ATG10: variants seen among roughly 807,000 people sequenced by gnomAD.
The protein encoded by ATG10 is ubiquitin-like-conjugating enzyme ATG10.
Under a neutral mutation model 32.1 loss-of-function variants are expected in ATG10, and 30 were observed. The observed-to-expected ratio is 0.94, with a 90% CI of 0.70 to 1.27. The LOEUF (loss-of-function observed/expected upper bound fraction) is 1.27, where lower values mean the gene tolerates loss of function less well. Ranked by LOEUF, ATG10 falls within the 50% of genes most tolerant of loss-of-function variation. The pLI, the probability that ATG10 is intolerant of heterozygous loss-of-function variation, is 0.00. For synonymous variants in ATG10, 87 were observed against 91.5 expected (o/e 0.95, Z 0.28); for missense variants, 233 against 262.3 (o/e 0.89, Z 0.77).
chr5:82,020,971 A>T (rs1762417822), intron 2 of ATG10, among the ~76,000 whole-genome samples: 1 of 151,836 alleles, frequency 6.6e-6, no homozygotes, highest in Non-Finnish European at 1.5e-5. Flanking sequence ...TGAGGAGTAG[A>T]GGTCCCTTAT....
intron 3 of ATG10, among the ~76,000 whole-genome samples, chr5:82,061,656 G>T (rs1763777773): frequency 6.7e-6 from 1 of 148,950 alleles, no homozygotes; most frequent in Non-Finnish European, 1.5e-5. Context: ...TTAATTATAT[G>T]TGTATTATAC....
At chr5:82,070,480 T>A (rs905198136) in intron 3 of ATG10, among the ~76,000 whole-genome samples, 3 of 152,160 alleles carry the variant, frequency 2.0e-5, no homozygotes, top group African/African-American at 7.2e-5. Context: ...GGGAAAAATA[T>A]CAATGTAACA....
At chr5:82,170,024 T>C (rs1581765109) in intron 4 of ATG10, among the ~76,000 whole-genome samples, 1 of 152,180 alleles carries the variant, frequency 6.6e-6, no homozygotes, top group African/African-American at 2.4e-5. Context: ...GCTAAAGAAA[T>C]GGGAAGTAAA....
At chr5:82,159,895 T>A (rs979526241) in intron 3 of ATG10, among the ~76,000 whole-genome samples, 15 of 152,176 alleles carry the variant, frequency 9.9e-5, no homozygotes, top group African/African-American at 3.6e-4. Flanking sequence ...TCACATTTAG[T>A]AATAAGAAAT....
At chr5:81,985,801 C>T (rs376115794) in intron 1 of ATG10, among the ~76,000 whole-genome samples, 2 of 152,164 alleles carry the variant, frequency 1.3e-5, no homozygotes, top group Admixed American at 6.6e-5. Flanking sequence ...GTCGCTCTGT[C>T]GCCCAGGCTG....
chr5:82,064,393 G>A (rs1763876375), intron 3 of ATG10, among the ~76,000 whole-genome samples: 1 of 151,608 alleles, frequency 6.6e-6, no homozygotes. Context: ...TTTGTAGATA[G>A]TTGAACAACC....
rs531324959 is a variant in ATG10, at chr5:82,216,445, T to C, written c.454-36117T>C. Among the ~76,000 whole-genome samples, 107 of 152,338 alleles carry C rather than the reference T, an allele frequency of 7.0e-4. 2 individuals carry two copies. Among genetic ancestry groups the C allele is most frequent in the Non-Finnish European group, 4.4e-5 (3 of 68,026 alleles). On this transcript the variant is annotated intron_variant, in intron 5 of 7. Transcript: ENST00000282185. ...TACATCCAGACTTTGATAGATTCTT[T>C]AATGAATGGATTTTGATGTTCTGAT...
At chr5:82,049,806 C>T (rs1763349657) in intron 2 of ATG10, among the ~76,000 whole-genome samples, 1 of 151,990 alleles carries the variant, frequency 6.6e-6, no homozygotes, top group African/African-American at 2.4e-5. Flanking sequence ...CTTCATGGTT[C>T]TTAGAATCAT....
chr5:82,206,370 G>A (rs959634298), intron 5 of ATG10, among the ~76,000 whole-genome samples: 4 of 152,054 alleles, frequency 2.6e-5, no homozygotes, highest in East Asian at 1.9e-4. Context: ...ACTTCTCACC[G>A]GGCGCGGTGG....
intron 5 of ATG10, among the ~76,000 whole-genome samples, chr5:82,182,725 G>A (rs1744281542): frequency 6.6e-6 from 1 of 152,106 alleles, no homozygotes; most frequent in Non-Finnish European, 1.5e-5. Flanking sequence ...GTGTGAATGG[G>A]AGGGAAATGG....
chr5:81,985,153 T>C (rs1043128268), intron 1 of ATG10, among the ~76,000 whole-genome samples: 2 of 152,222 alleles, frequency 1.3e-5, no homozygotes, highest in African/African-American at 4.8e-5. Flanking sequence ...ACTGGAGGGC[T>C]TAGGCTACTT....
chr5:82,041,829 G>A (rs1763093471), intron 2 of ATG10, among the ~76,000 whole-genome samples: 1 of 151,826 alleles, frequency 6.6e-6, no homozygotes, highest in Non-Finnish European at 1.5e-5. Flanking sequence ...TTTCATTTCG[G>A]ATAGTTTCTA....
At chr5:82,089,605 G>A (rs1209594388) in intron 3 of ATG10, among the ~76,000 whole-genome samples, 2 of 151,894 alleles carry the variant, frequency 1.3e-5, no homozygotes, top group African/African-American at 4.8e-5. Context: ...ATCTCAAAGT[G>A]GATTGTGGAT....
In ATG10 at chr5:82,148,879, A is replaced by G. The variant is rs186860425; in HGVS notation, c.217-15520A>G. On this transcript the variant is annotated intron_variant, in intron 3 of 7. Transcript: ENST00000282185. Reference sequence around the variant, plus strand: ...ATCTTTTTATATTTTTTCTGTGTCTATCAAGCTCTTCCCATTGCTGGCTCC... The same window carrying G: ...ATCTTTTTATATTTTTTCTGTGTCTGTCAAGCTCTTCCCATTGCTGGCTCC... Among the ~76,000 whole-genome samples, 489 of 152,040 alleles carry G rather than the reference A, an allele frequency of 3.2e-3. 2 individuals carry two copies. Among genetic ancestry groups the G allele is most frequent in the Admixed American group, 5.4e-3 (83 of 15,290 alleles).
intron 3 of ATG10, among the ~76,000 whole-genome samples, chr5:82,084,067 G>T (rs1034119399): frequency 6.6e-5 from 10 of 152,128 alleles, no homozygotes; most frequent in Non-Finnish European, 1.0e-4. Context: ...CCATCACAAA[G>T]AAGCTAAAAA....
chr5:82,107,489 A>G (rs978719708), intron 3 of ATG10, among the ~76,000 whole-genome samples: 1 of 152,116 alleles, frequency 6.6e-6, no homozygotes, highest in Non-Finnish European at 1.5e-5. Context: ...CAGAGGGAGC[A>G]CCAAACAATA....
chr5:81,983,467 C>G (rs1379151767), intron 1 of ATG10, among the ~76,000 whole-genome samples: 1 of 144,642 alleles, frequency 6.9e-6, no homozygotes, highest in Non-Finnish European at 1.5e-5. Flanking sequence ...GGGTCTGACC[C>G]CCCCCACCTC....
At chr5:81,993,383 CTTTTCTTTTT>C (rs1347791431) in intron 2 of ATG10, among the ~76,000 whole-genome samples, 67 of 85,312 alleles carry the variant, frequency 7.9e-4, no homozygotes, top group African/African-American at 1.1e-3. Context: ...CTTTTCTTTT[CTTTTCTTTTT>C]TTTTCTTTTC....
rs1411717699 is a variant in ATG10 at position 81,972,245 on chromosome 5, CT to C, written c.-73del. On this transcript the variant is annotated 5_prime_UTR_variant, in exon 1 of 8. Transcript: ENST00000282185. ...GTCCCTCTCCCCAGCTCTCCTCCCCCTGGCCCCGTCGCCCCGCCCTCGCCGG... is the reference window on the plus strand; with the variant it reads ...GTCCCTCTCCCCAGCTCTCCTCCCCCGGCCCCGTCGCCCCGCCCTCGCCGG... The C allele has an allele frequency of 1.3e-5, 2 of 152,592 alleles. No homozygotes were observed. The highest frequency in any genetic ancestry group is 2.9e-5 in the Non-Finnish European group (2 of 68,288). The allele number at this position is 152,592 out of a possible 1,614,324, so 9.5% of individuals were successfully genotyped here.
Sources: gnomAD v4.1 joint callset for allele counts (sites outside exome capture counted in the v4.1 genomes callset) on GRCh38, gnomAD v4.1.1 for gene constraint, MANE v1.5 for transcripts, NCBI Gene and HGNC (gene_info 2026-07-23, HGNC 2026-07-21) for gene names.